Variants in CPSF7 observed in about 807,000 individuals in gnomAD.
CPSF7 encodes cleavage and polyadenylation specificity factor subunit 7.
Under a neutral mutation model 44.3 loss-of-function variants are expected in CPSF7, and 1 was observed. The ratio of observed to expected loss-of-function variants is 0.02; its 90% CI spans 0.01 to 0.11. CPSF7 has a LOEUF of 0.11. CPSF7 is among the 10% of genes least tolerant of loss of function. The probability of loss-of-function intolerance (pLI) is 1.00; values close to 1 mark genes in which losing one functional copy is unlikely to be tolerated. For missense variants in CPSF7, 443 were observed against 607.2 expected (o/e 0.73, Z 2.84); for synonymous variants, 202 against 222.0 (o/e 0.91, Z 0.80).
chr11:61,424,342 A>G (rs2135392150), intron 2 of CPSF7, among the ~76,000 whole-genome samples: 1 of 152,342 alleles, frequency 6.6e-6, no homozygotes, highest in East Asian at 1.9e-4. Context: ...TCTTCTATTC[A>G]TGTACCAGGT....
In CPSF7 at chr11:61,403,208, G is replaced by A. The variant is rs1859033117; in HGVS notation, c.*1502C>T. 1 of 152,300 alleles carries A rather than the reference G, an allele frequency of 6.6e-6. No homozygotes were observed. The highest frequency in any genetic ancestry group is 2.4e-5 in the African/African-American group (1 of 41,398). The allele number at this position is 152,300 out of a possible 1,614,324, so 9.4% of individuals were successfully genotyped here. A position where few individuals can be genotyped will look rare whatever the true frequency, so the allele number is the denominator to read the frequency against. On this transcript the variant is annotated 3_prime_UTR_variant, in exon 10 of 10. Coordinates refer to ENST00000439958, the MANE Select transcript of CPSF7 (RefSeq NM_001142565.3). ...GAGAAACGTGCTGGGAACAGAGGAC[G>A]GGTTTAGTCCAATTCAGTCTCTCTC...
chr11:61,407,363 C>T (rs1054604617), intron 9 of CPSF7, among the ~76,000 whole-genome samples: 2 of 152,216 alleles, frequency 1.3e-5, no homozygotes, highest in African/African-American at 2.4e-5. Flanking sequence ...ATGTGCTTTT[C>T]AACCCACAAG....
intron 7 of CPSF7, among the ~76,000 whole-genome samples, chr11:61,413,651 A>T (rs971576400): frequency 1.3e-5 from 2 of 151,430 alleles, no homozygotes; most frequent in African/African-American, 4.9e-5. Context: ...AAAAAAAAAA[A>T]TTTATGCTGT....
intron 7 of CPSF7, among the ~76,000 whole-genome samples, chr11:61,414,300 G>T (rs1469279936): frequency 2.0e-5 from 3 of 152,004 alleles, no homozygotes; most frequent in African/African-American, 7.2e-5. Flanking sequence ...GGGTCTATAG[G>T]CATGTGCCAC....
At chr11:61,406,761 G>T (rs1284795551) in intron 9 of CPSF7, among the ~76,000 whole-genome samples, 2 of 151,822 alleles carry the variant, frequency 1.3e-5, no homozygotes, top group Non-Finnish European at 2.9e-5. Flanking sequence ...TATTTTTTTT[G>T]AGACAGGGTC....
At chr11:61,429,555 C>T (rs1861747356) in intron 1 of CPSF7, 3 of 600,606 alleles carry the variant, frequency 5.0e-6, no homozygotes, top group Non-Finnish European at 8.3e-6. Context: ...AAAGTCCCAC[C>T]CTCGGGTCCT....
At chr11:61,405,367 A>G (rs571491555) in intron 9 of CPSF7, among the ~76,000 whole-genome samples, 51 of 152,344 alleles carry the variant, frequency 3.3e-4, no homozygotes, top group African/African-American at 1.2e-3. Flanking sequence ...CGAGATTTTA[A>G]GTCTTTCCTC....
chr11:61,406,785 C>T (rs1859368306), intron 9 of CPSF7, among the ~76,000 whole-genome samples: 1 of 152,078 alleles, frequency 6.6e-6, no homozygotes, highest in East Asian at 1.9e-4. Flanking sequence ...CTCTATTGCC[C>T]AGGCTGGAGT....
At chr11:61,406,246 C>T (rs1005138230) in intron 9 of CPSF7, 2 of 152,150 alleles carry the variant, frequency 1.3e-5, no homozygotes, top group African/African-American at 4.8e-5. Context: ...CTTCAGGCCC[C>T]AGAACTGGGT....
chr11:61,427,572 T>G (rs1009500892), intron 2 of CPSF7, among the ~76,000 whole-genome samples: 6 of 150,582 alleles, frequency 4.0e-5, no homozygotes, highest in East Asian at 2.0e-4. Context: ...AGAATCACTT[T>G]AACCTGGGAG....
At chr11:61,423,574 G>T (rs925738817) in intron 2 of CPSF7, among the ~76,000 whole-genome samples, 3 of 152,170 alleles carry the variant, frequency 2.0e-5, no homozygotes, top group East Asian at 3.9e-4. Context: ...AAATGACAGA[G>T]ACAGCAAGTA....
At chr11:61,412,154 A>G (rs1488254634) in intron 7 of CPSF7, among the ~76,000 whole-genome samples, 1 of 152,218 alleles carries the variant, frequency 6.6e-6, no homozygotes, top group East Asian at 1.9e-4. Flanking sequence ...ACAAACTGAC[A>G]CACTGTTGTC....
intron 7 of CPSF7, among the ~76,000 whole-genome samples, chr11:61,412,907 G>A (rs1414112167): frequency 1.3e-5 from 2 of 152,140 alleles, no homozygotes; most frequent in African/African-American, 4.8e-5. Context: ...AAATTCTGGA[G>A]GAATATAAAC....
chr11:61,416,203 A>G lies in CPSF7; in HGVS notation c.840T>C (p.Leu280=), dbSNP rs759191866. The G allele has an allele frequency of 6.6e-7, 1 of 1,524,886 alleles. No homozygotes were observed. Among genetic ancestry groups the G allele is most frequent in the Admixed American group, 2.2e-5 (1 of 45,114 alleles). The allele number at this position is 1,524,886 out of a possible 1,614,324, so 94.5% of individuals were successfully genotyped here. The part of the protein sequence containing the change: ...VPPPGAIPPA[L]HLNPAFFPPP... ...GGGGGAAGAAGGCTGGATTGAGGTGAAGGGCAGGTGGGATGGCCCCAGGGG... is the reference window on the plus strand; with the variant it reads ...GGGGGAAGAAGGCTGGATTGAGGTGGAGGGCAGGTGGGATGGCCCCAGGGG... The change falls in exon 6 of 10, where the codon CTT becomes CTC. Residue 280 remains leucine (L), a synonymous_variant. Transcript: ENST00000439958.
intron 7 of CPSF7, among the ~76,000 whole-genome samples, chr11:61,412,803 C>A (rs1859974207): frequency 6.6e-6 from 1 of 152,130 alleles, no homozygotes. Flanking sequence ...TAATAGGTGT[C>A]CAGAATATAC....
At chr11:61,422,479 T>TA (rs1860970696) in intron 2 of CPSF7, among the ~76,000 whole-genome samples, 1 of 152,102 alleles carries the variant, frequency 6.6e-6, no homozygotes, top group Non-Finnish European at 1.5e-5. Flanking sequence ...CATGCCCAGC[T>TA]AATTTTCAAA....
At position 61,416,246 on chromosome 11, in the gene CPSF7, G is replaced by A; in HGVS notation, c.797C>T (p.Pro266Leu). Residue 266 changes from proline (P) to leucine (L), a missense_variant, in exon 6 of 10, where the codon CCT becomes CTT. Physicochemically the swap from Pro to Leu is moderately conservative, Grantham distance 98 (BLOSUM62 -3). Coordinates refer to ENST00000439958, the MANE Select transcript of CPSF7 (RefSeq NM_001142565.3). ...HLMPPPPRLP[P>L]HLAVPPPGAI... ...CCCAGGGGGAGGTACAGCAAGATGAGGAGGTAATCGAGGAGGTGGGGGCAT... is the reference window on the plus strand; with the variant it reads ...CCCAGGGGGAGGTACAGCAAGATGAAGAGGTAATCGAGGAGGTGGGGGCAT... The A allele has an allele frequency of 6.5e-7, 1 of 1,535,394 alleles. No individual in the cohort carries two copies. The highest frequency in any genetic ancestry group is 8.8e-7 in the Non-Finnish European group (1 of 1,142,830).
In CPSF7 at chr11:61,411,807, G is replaced by T; in HGVS notation, c.1188C>A (p.Ala396=). The part of the protein sequence containing the change: ...SLKDCLHGIE[A]KSYSVGASGS... ...CACTGGCACCCACACTGTAGGACTT[G>T]GCTTCGATGCCATGAAGACAGTCCT... Residue 396 remains alanine (A), a synonymous_variant, in exon 8 of 10, where the codon GCC becomes GCA. Coordinates refer to ENST00000439958, the MANE Select transcript of CPSF7 (RefSeq NM_001142565.3). 6.2e-7 allele frequency: 1 copy of T among 1,613,758 alleles called. No homozygotes were observed. Among genetic ancestry groups the T allele is most frequent in the Non-Finnish European group, 8.5e-7 (1 of 1,179,962 alleles).
At chr11:61,424,533 A>G (rs1590732812) in intron 2 of CPSF7, among the ~76,000 whole-genome samples, 2 of 152,098 alleles carry the variant, frequency 1.3e-5, no homozygotes, top group Non-Finnish European at 2.9e-5. Flanking sequence ...GCTCACTGCA[A>G]CCTCCGCCTC....
Sources: allele counts gnomAD v4.1 joint callset (sites outside exome capture counted in the v4.1 genomes callset), GRCh38; gene constraint gnomAD v4.1.1; transcripts MANE v1.5; gene names NCBI Gene and HGNC (gene_info 2026-07-23, HGNC 2026-07-21).